Variants in ADGRL2 observed in about 807,000 individuals in gnomAD.
The protein encoded by ADGRL2 is calcium-independent alpha-latrotoxin receptor 2.
Under a neutral mutation model 157.4 loss-of-function variants are expected in ADGRL2, and 44 were observed. That is an observed-to-expected ratio of 0.28 (90% CI 0.22 to 0.36). The LOEUF (loss-of-function observed/expected upper bound fraction) is 0.36. ADGRL2 is among the 10% of genes least tolerant of loss of function. The pLI, the probability that ADGRL2 is intolerant of heterozygous loss-of-function variation, is 1.00. For missense variants in ADGRL2, 1,510 were observed against 1,768.9 expected, an observed-to-expected ratio of 0.85 and a Z score of 2.63; for synonymous variants, 585 against 624.7, an observed-to-expected ratio of 0.94 and a Z score of 0.95.
intron 1 of ADGRL2, among the ~76,000 whole-genome samples, chr1:81,372,093 A>C (rs2076170102): frequency 6.6e-6 from 1 of 152,190 alleles, no homozygotes; most frequent in Non-Finnish European, 1.5e-5. Flanking sequence ...AAGCGAAACA[A>C]ACAACCTATC....
At position 81,990,688 on chromosome 1, in the gene ADGRL2, T is replaced by G; in HGVS notation, c.3953T>G (p.Leu1318Ter). Reference sequence around the variant, plus strand: ...GCTATTGTGGCAGATGCTTCATCTTTAATGCACAGCGACAACCCAGGGCTG... The same window carrying G: ...GCTATTGTGGCAGATGCTTCATCTTGAATGCACAGCGACAACCCAGGGCTG... ...DDAIVADASS[L>*]MHSDNPGLEL... The change falls in exon 24 of 24, where the codon TTA (leucine) becomes TGA (stop). Residue 1318 changes from leucine to a stop codon, truncating the protein, a stop_gained. Transcript: ENST00000686636. LOFTEE classifies it high-confidence loss of function. 6.2e-7 allele frequency: 1 copy of G among 1,614,130 alleles called. No homozygotes were observed. The highest frequency in any genetic ancestry group is 8.5e-7 in the Non-Finnish European group (1 of 1,180,012).
chr1:81,676,693 T>C (rs1292043914), intron 3 of ADGRL2, among the ~76,000 whole-genome samples: 1 of 151,888 alleles, frequency 6.6e-6, no homozygotes, highest in Non-Finnish European at 1.5e-5. Context: ...TTTTATTTTA[T>C]TTTATTTTTT....
chr1:81,503,483 G>A (rs2078900468), intron 2 of ADGRL2: 13 of 1,610,262 alleles, frequency 8.1e-6, no homozygotes, highest in African/African-American at 1.3e-5. Context: ...GCAGGACCCA[G>A]CTTTCCACTT....
intron 2 of ADGRL2, among the ~76,000 whole-genome samples, chr1:81,559,175 C>G (rs2080383189): frequency 6.6e-6 from 1 of 152,126 alleles, no homozygotes; most frequent in Non-Finnish European, 1.5e-5. Context: ...CACCATTAGC[C>G]TCTCTGAACT....
intron 1 of ADGRL2, among the ~76,000 whole-genome samples, chr1:81,382,722 G>A (rs925042741): frequency 4.6e-5 from 7 of 152,134 alleles, no homozygotes; most frequent in African/African-American, 1.7e-4. Context: ...GACAGATGAA[G>A]AGAAACTTTG....
At chr1:81,459,340 C>G (rs528545021) in intron 2 of ADGRL2, among the ~76,000 whole-genome samples, 1 of 152,080 alleles carries the variant, frequency 6.6e-6, no homozygotes, top group Non-Finnish European at 1.5e-5. Flanking sequence ...CCTCCTTCCT[C>G]CAAACCCTGC....
At chr1:81,349,525 T>G (rs1662719839) in intron 1 of ADGRL2, among the ~76,000 whole-genome samples, 1 of 152,034 alleles carries the variant, frequency 6.6e-6, no homozygotes, top group African/African-American at 2.4e-5. Flanking sequence ...GCTCTGAATT[T>G]AGAACTCTTT....
chr1:81,852,052 T>G (rs913871054), intron 2 of ADGRL2, among the ~76,000 whole-genome samples: 5 of 151,990 alleles, frequency 3.3e-5, no homozygotes, highest in African/African-American at 1.2e-4. Context: ...GTTTGCTCAG[T>G]AAACGTAAGA....
intron 2 of ADGRL2, among the ~76,000 whole-genome samples, chr1:81,525,089 C>T (rs561386182): frequency 1.3e-5 from 2 of 152,080 alleles, no homozygotes; most frequent in Non-Finnish European, 2.9e-5. Flanking sequence ...GAGGTCATCA[C>T]TATTCAAAAA....
In ADGRL2 at chr1:81,907,172, T is replaced by C. The variant is rs201549149; in HGVS notation, c.229T>C (p.Phe77Leu). 15 of 1,614,010 alleles carry C rather than the reference T, an allele frequency of 9.3e-6. No individual in the cohort carries two copies. Among genetic ancestry groups the C allele is most frequent in the Non-Finnish European group, 1.2e-5 (14 of 1,180,016 alleles). ...TDDKICDADPFQMENTDCYLP... is the reference protein window; with the variant it reads ...TDDKICDADPLQMENTDCYLP... Reference sequence around the variant, plus strand: ...TGACAAGATTTGTGATGCTGACCCATTTCAGATGGAGAATACAGACTGCTA... The same window carrying C: ...TGACAAGATTTGTGATGCTGACCCACTTCAGATGGAGAATACAGACTGCTA... Residue 77 changes from phenylalanine (F) to leucine (L), a missense_variant, in exon 3 of 24, where the codon TTT becomes CTT. By Grantham distance (22) the Phe-to-Leu change is conservative. Coordinates refer to ENST00000686636, the MANE Select transcript of ADGRL2 (RefSeq NM_001366006.2).
intron 2 of ADGRL2, among the ~76,000 whole-genome samples, chr1:81,794,681 C>T (rs948569896): frequency 6.6e-6 from 1 of 152,134 alleles, no homozygotes; most frequent in African/African-American, 2.4e-5. Context: ...TCTTTTCTAT[C>T]ACAAAAGCAT....
Position 81,551,139 on chromosome 1 carries a change from T to G in ADGRL2, c.-247-29737T>G, listed in dbSNP as rs142279527. On this transcript the variant is annotated intron_variant, in intron 2 of 24. Coordinates refer to the ADGRL2 transcript ENST00000370721. The stretch of plus-strand genomic sequence containing the variant: ...ATCAGAAATAATACATGTAAGTGTG[T>G]GTCACATAATAAATCCTCAATAGGT... 1.8e-4 allele frequency among the ~76,000 whole-genome samples: 27 copies of G among 152,282 alleles called. No homozygotes were observed. In the East Asian group the frequency reaches 2.5e-3, roughly 14 times the overall value.
chr1:81,390,280 G>A (rs1326209075), intron 1 of ADGRL2, among the ~76,000 whole-genome samples: 4 of 152,292 alleles, frequency 2.6e-5, no homozygotes, highest in Admixed American at 6.5e-5. Context: ...AGTTGGTTTT[G>A]TTGAAAAACG....
chr1:81,687,248 C>T (rs1367420642), intron 3 of ADGRL2, among the ~76,000 whole-genome samples: 1 of 152,040 alleles, frequency 6.6e-6, no homozygotes, highest in Admixed American at 6.6e-5. Flanking sequence ...TACTGAAGTC[C>T]CCCACTATTA....
intron 1 of ADGRL2, among the ~76,000 whole-genome samples, chr1:81,375,662 A>G (rs780575485): frequency 6.6e-6 from 1 of 152,218 alleles, no homozygotes. Flanking sequence ...CAAGAATATC[A>G]GTACTTGGAA....
intron 1 of ADGRL2, 91 bp from the exon 2 acceptor site, chr1:81,836,794 A>G (rs557620729): frequency 2.2e-6 from 1 of 453,002 alleles, no homozygotes; most frequent in Non-Finnish European, 3.9e-6. Context: ...TATGTTTTAT[A>G]TTCAGGAGAG....
At chr1:81,909,579 A>G (rs1572061792) in intron 3 of ADGRL2, among the ~76,000 whole-genome samples, 1 of 152,228 alleles carries the variant, frequency 6.6e-6, no homozygotes, top group Admixed American at 6.5e-5. Flanking sequence ...AAGGCTGTCA[A>G]TATGACAGAT....
chr1:81,746,880 G>A (rs956339996), intron 1 of ADGRL2, among the ~76,000 whole-genome samples: 3 of 148,410 alleles, frequency 2.0e-5, no homozygotes, highest in Non-Finnish European at 3.0e-5. Context: ...ATATACACAC[G>A]TGCACACGTA....
chr1:81,864,695 C>A (rs2093484114), intron 2 of ADGRL2, among the ~76,000 whole-genome samples: 1 of 152,154 alleles, frequency 6.6e-6, no homozygotes, highest in Admixed American at 6.6e-5. Context: ...GGCATGGTGG[C>A]TCACACCTGT....
Sources: gnomAD v4.1 joint callset for allele counts (sites outside exome capture counted in the v4.1 genomes callset) on GRCh38, gnomAD v4.1.1 for gene constraint, MANE v1.5 for transcripts, NCBI Gene and HGNC (gene_info 2026-07-23, HGNC 2026-07-21) for gene names.